Variants in WASF2 observed in about 807,000 individuals in gnomAD.
The protein encoded by WASF2 is actin-binding protein WASF2.
WASF2 carries 14 observed loss-of-function variants against 45.0 expected under a neutral mutation model. The ratio of observed to expected loss-of-function variants is 0.31; its 90% CI spans 0.21 to 0.49. WASF2 has a LOEUF of 0.49. Among genes scored for constraint, WASF2 ranks in the 20% least tolerant of loss-of-function variants. WASF2 has a pLI of 0.99. For missense variants in WASF2, 439 were observed against 636.1 expected (o/e 0.69, Z 3.33); for synonymous variants, 200 against 236.3 (o/e 0.85, Z 1.41).
chr1:27,479,115 T>C (rs2017811534), intron 1 of WASF2, among the ~76,000 whole-genome samples: 1 of 151,726 alleles, frequency 6.6e-6, no homozygotes, highest in Non-Finnish European at 1.5e-5. Flanking sequence ...TGAAACCCCG[T>C]CTCTACTAAA....
At chr1:27,478,318 T>C (rs2017799564) in intron 1 of WASF2, among the ~76,000 whole-genome samples, 2 of 147,748 alleles carry the variant, frequency 1.4e-5, no homozygotes, top group African/African-American at 5.0e-5. Flanking sequence ...ATAAGCAAAT[T>C]AGTAGCTGTG....
intron 1 of WASF2, among the ~76,000 whole-genome samples, chr1:27,472,619 CAGCCT>C: frequency 7.2e-6 from 1 of 137,948 alleles, no homozygotes; most frequent in African/African-American, 2.8e-5. Flanking sequence ...TCCAGCACTC[CAGCCT>C]GGGTGACACA....
In WASF2 at chr1:27,425,172, T is replaced by C. The variant is rs140276950; in HGVS notation, c.130+3589A>G. 8.4e-3 allele frequency among the ~76,000 whole-genome samples: 1,275 copies of C among 152,320 alleles called. 7 individuals carry two copies. Among genetic ancestry groups the C allele is most frequent in the Middle Eastern group, 0.014 (4 of 294 alleles). ...GGCATGATCATGGCTCACTGCAGCC[T>C]TGAACTCCCAGGCTCAAGCGATCCT... On this transcript the variant is annotated intron_variant, in intron 2 of 8. Transcript: ENST00000618852.
chr1:27,468,275 G>A (rs1056412829), intron 1 of WASF2, among the ~76,000 whole-genome samples: 1 of 152,044 alleles, frequency 6.6e-6, no homozygotes, highest in Non-Finnish European at 1.5e-5. Flanking sequence ...AACTAGCAAA[G>A]TCCAGAACGG....
chr1:27,477,880 C>T lies in WASF2; in HGVS notation c.-44+12106G>A. On this transcript the variant is annotated intron_variant, in intron 1 of 8. Transcript: ENST00000618852. ...CGCCACTGCACTCCAGCCTGGGCTA[C>T]AGAGCGAGACTCCGTCTCAAAAAAA... 2.3e-5 allele frequency among the ~76,000 whole-genome samples: 2 copies of T among 85,468 alleles called. 1 individual carries two copies. The highest frequency in any genetic ancestry group is 2.1e-4 in the Admixed American group (2 of 9,638). 56.1% of individuals were successfully genotyped at this position (85,468 alleles called of 152,430 possible).
At chr1:27,481,072 A>G (rs2017841911) in intron 1 of WASF2, among the ~76,000 whole-genome samples, 2 of 142,990 alleles carry the variant, frequency 1.4e-5, no homozygotes, top group Non-Finnish European at 1.5e-5. Context: ...AAAAGAATGC[A>G]TGTGTGGAGG....
rs899848277 is a variant in WASF2, at chr1:27,410,851, C to T, written c.825-645G>A. On this transcript the variant is annotated intron_variant, in intron 7 of 8. Coordinates refer to ENST00000618852, the MANE Select transcript of WASF2 (RefSeq NM_006990.5). This position sits in a 1 kb window ranked among gnomAD's most constrained non-coding sequence, Gnocchi z 4.2. ...GGGAAATGAATGTGCCACCAGACTC[C>T]TGACCCAGGCCTGAAAGAGGATTAA... Among the ~76,000 whole-genome samples the T allele has an allele frequency of 7.2e-5, 11 of 152,206 alleles. No homozygotes were observed. Among genetic ancestry groups the T allele is most frequent in the African/African-American group, 2.4e-4 (10 of 41,450 alleles).
In WASF2 at chr1:27,408,237, G is replaced by T; in HGVS notation, c.1449C>A (p.Asp483Glu). ...LSRRIAVEYS[D>E]SEDDSSEFDE... Reference sequence around the variant, plus strand: ...CAAATTCAGAGGAGTCATCTTCTGAGTCACTGTACTCAACAGCAATGCGAC... The same window carrying T: ...CAAATTCAGAGGAGTCATCTTCTGATTCACTGTACTCAACAGCAATGCGAC... Residue 483 changes from aspartate (D) to glutamate (E), a missense_variant, in exon 9 of 9, where the codon GAC (aspartate) becomes GAA (glutamate). By Grantham distance (45) the Asp-to-Glu change is conservative. Transcript: ENST00000618852. The T allele has an allele frequency of 6.2e-7, 1 of 1,614,234 alleles. No homozygotes were observed. Among genetic ancestry groups the T allele is most frequent in the Non-Finnish European group, 8.5e-7 (1 of 1,180,038 alleles).
intron 3 of WASF2, 133 bp from the exon 4 acceptor site, chr1:27,418,555 CT>C: frequency 7.9e-7 from 1 of 1,270,488 alleles, no homozygotes; most frequent in Non-Finnish European, 1.1e-6. Context: ...TTTTTTTTCC[CT>C]CCCCCTCTGG....
chr1:27,438,350 A>G (rs1297363758), intron 1 of WASF2, among the ~76,000 whole-genome samples: 1 of 152,256 alleles, frequency 6.6e-6, no homozygotes, highest in Admixed American at 6.5e-5. Flanking sequence ...GATTAGCTAC[A>G]GTGGCAGGTT....
rs148119611 is a variant in WASF2 at position 27,413,181 on chromosome 1, G to A, written c.669-454C>T. Among the ~76,000 whole-genome samples, 628 of 152,342 alleles carry A rather than the reference G, an allele frequency of 4.1e-3. 4 individuals carry two copies. The highest frequency in any genetic ancestry group is 0.014 in the African/African-American group (591 of 41,580). On this transcript the variant is annotated intron_variant, in intron 6 of 8. Coordinates refer to ENST00000618852, the MANE Select transcript of WASF2 (RefSeq NM_006990.5). ...CAGCAAGCCTCTGGAGAGCTCGAAGGCCAAGGAGGCACTGGATTGCAAAAT... is the reference window on the plus strand; with the variant it reads ...CAGCAAGCCTCTGGAGAGCTCGAAGACCAAGGAGGCACTGGATTGCAAAAT...
chr1:27,464,962 T>C (rs2017595195), intron 1 of WASF2, among the ~76,000 whole-genome samples: 1 of 152,292 alleles, frequency 6.6e-6, no homozygotes, highest in African/African-American at 2.4e-5. Flanking sequence ...CTCCTGACTT[T>C]GTGATCCACC....
chr1:27,454,030 C>T (rs2017422266), intron 1 of WASF2, among the ~76,000 whole-genome samples: 1 of 151,222 alleles, frequency 6.6e-6, no homozygotes, highest in African/African-American at 2.4e-5. Flanking sequence ...AGTTTTATCA[C>T]ATTTCTATCT....
intron 1 of WASF2, among the ~76,000 whole-genome samples, chr1:27,464,581 G>A (rs1326851131): frequency 6.6e-6 from 1 of 152,070 alleles, no homozygotes; most frequent in Non-Finnish European, 1.5e-5. Flanking sequence ...GAGTCAATAG[G>A]CCACACAGTC....
At chr1:27,466,847 G>A (rs2017617043) in intron 1 of WASF2, among the ~76,000 whole-genome samples, 2 of 151,932 alleles carry the variant, frequency 1.3e-5, no homozygotes, top group African/African-American at 4.8e-5. Flanking sequence ...CAGAGTGAGA[G>A]CTCAGCTCAA....
At chr1:27,483,871 G>A (rs1271569485) in intron 1 of WASF2, among the ~76,000 whole-genome samples, 2 of 151,716 alleles carry the variant, frequency 1.3e-5, no homozygotes, top group Admixed American at 1.3e-4. Context: ...GAGGAGGACT[G>A]CTTGAGCCTA....
At position 27,405,709 on chromosome 1, in the gene WASF2, C is replaced by A. The variant is rs1294666596; in HGVS notation, c.*2480G>T. On this transcript the variant is annotated 3_prime_UTR_variant, in exon 9 of 9. Transcript: ENST00000618852. The stretch of plus-strand genomic sequence containing the variant: ...GGCCCCCCGAGCTGAGGAGGCTTCG[C>A]AAGGCCGGCTGCTACAAAGTGCCGA... The A allele has an allele frequency of 6.7e-6, 1 of 148,744 alleles. No individual in the cohort carries two copies. Among genetic ancestry groups the A allele is most frequent in the Non-Finnish European group, 1.5e-5 (1 of 67,726 alleles). The allele number at this position is 148,744 out of a possible 1,614,324, so 9.2% of individuals were successfully genotyped here.
At chr1:27,443,307 T>TAA (rs77018071) in intron 1 of WASF2, among the ~76,000 whole-genome samples, 4 of 53,316 alleles carry the variant, frequency 7.5e-5, no homozygotes, top group African/African-American at 2.1e-4. Flanking sequence ...CACCGTCTCT[T>TAA]AAAAAAAAAA....
intron 1 of WASF2, among the ~76,000 whole-genome samples, chr1:27,488,368 A>C (rs1411723685): frequency 6.6e-6 from 1 of 152,208 alleles, no homozygotes; most frequent in African/African-American, 2.4e-5. Context: ...ATTAAGCTTA[A>C]TCAGAGGTGG....
Sources: gnomAD v4.1 joint callset for allele counts (sites outside exome capture counted in the v4.1 genomes callset) on GRCh38, gnomAD v4.1.1 for gene constraint, Gnocchi (gnomAD v3.1) non-coding constraint, MANE v1.5 for transcripts, NCBI Gene and HGNC (gene_info 2026-07-23, HGNC 2026-07-21) for gene names.